The following PI4K2B variants were observed in gnomAD, a reference collection of about 807,000 sequenced individuals.
PI4K2B encodes the protein phosphatidylinositol 4-kinase type 2-beta.
PI4K2B carries 46 observed loss-of-function variants against 56.6 expected under a neutral mutation model. That is an observed-to-expected ratio of 0.81 (90% CI 0.64 to 1.04). The LOEUF (loss-of-function observed/expected upper bound fraction) is 1.04, where lower values mean the gene tolerates loss of function less well. PI4K2B is among the 50% of genes least tolerant of loss of function. The pLI, the probability that PI4K2B is intolerant of heterozygous loss-of-function variation, is 0.00. For missense variants in PI4K2B, 556 were observed against 607.7 expected (o/e 0.91, Z 0.89); for synonymous variants, 211 against 223.8 (o/e 0.94, Z 0.51).
At chr4:25,245,420 G>A (rs1715718734) in intron 1 of PI4K2B, among the ~76,000 whole-genome samples, 2 of 152,160 alleles carry the variant, frequency 1.3e-5, no homozygotes, top group Admixed American at 1.3e-4. Context: ...ATGCCTTGGA[G>A]AGTTCCGCTC....
At chr4:25,258,398 A>G (rs1333276428) in intron 4 of PI4K2B, 1 of 151,698 alleles carries the variant, frequency 6.6e-6, no homozygotes, top group Non-Finnish European at 1.5e-5. Context: ...AAATAGAGAC[A>G]GGGTTTTTAC....
intron 1 of PI4K2B, among the ~76,000 whole-genome samples, chr4:25,246,024 T>C (rs1043208214): frequency 2.0e-5 from 3 of 152,116 alleles, no homozygotes; most frequent in Non-Finnish European, 2.9e-5. Context: ...AGTTTGTTCC[T>C]TCTGATGTTC....
chr4:25,245,638 G>T (rs965125165), intron 1 of PI4K2B, among the ~76,000 whole-genome samples: 2 of 152,184 alleles, frequency 1.3e-5, no homozygotes, highest in African/African-American at 4.8e-5. Context: ...GGCCATGCTA[G>T]TCGCTTTTAA....
At chr4:25,247,000 C>T (rs375160474) in intron 1 of PI4K2B, among the ~76,000 whole-genome samples, 1 of 152,254 alleles carries the variant, frequency 6.6e-6, no homozygotes. Context: ...ACCTGTCCCT[C>T]CACACCTCCC....
chr4:25,259,866 C>A (rs1716396359), intron 5 of PI4K2B, among the ~76,000 whole-genome samples: 1 of 152,128 alleles, frequency 6.6e-6, no homozygotes, highest in African/African-American at 2.4e-5. Flanking sequence ...ATTGTGGGTC[C>A]CTGGACTGTC....
intron 7 of PI4K2B, chr4:25,267,956 T>C: frequency 1.6e-6 from 1 of 629,738 alleles, no homozygotes; most frequent in Non-Finnish European, 2.0e-6. Context: ...TGCGGTGATA[T>C]GCATCTGTAG....
chr4:25,262,204 G>A (rs1716504300), intron 6 of PI4K2B, among the ~76,000 whole-genome samples: 1 of 152,136 alleles, frequency 6.6e-6, no homozygotes, highest in Non-Finnish European at 1.5e-5. Context: ...AGCCGGACAT[G>A]GTGGCAGGCA....
intron 7 of PI4K2B, among the ~76,000 whole-genome samples, chr4:25,264,423 T>C (rs1398168434): frequency 6.6e-6 from 1 of 152,206 alleles, no homozygotes. Context: ...ATTGAGTATT[T>C]AGGGAGTTAA....
At chr4:25,260,288 T>G (rs1030518936) in intron 5 of PI4K2B, among the ~76,000 whole-genome samples, 6 of 152,036 alleles carry the variant, frequency 3.9e-5, no homozygotes, top group African/African-American at 1.4e-4. Flanking sequence ...CATGAATTAT[T>G]ACATACTAAG....
chr4:25,265,470 G>A (rs981465183), intron 7 of PI4K2B, among the ~76,000 whole-genome samples: 4 of 151,478 alleles, frequency 2.6e-5, no homozygotes, highest in Admixed American at 6.6e-5. Flanking sequence ...ATGCTATATC[G>A]CTTTCCTATA....
chr4:25,257,704 T>C (rs1204409214), intron 4 of PI4K2B, among the ~76,000 whole-genome samples: 1 of 152,192 alleles, frequency 6.6e-6, no homozygotes, highest in Admixed American at 6.5e-5. Context: ...AGAATTTCAG[T>C]AGGAATTCAT....
intron 9 of PI4K2B, among the ~76,000 whole-genome samples, chr4:25,274,774 T>A (rs1218843297): frequency 6.6e-6 from 1 of 152,182 alleles, no homozygotes; most frequent in East Asian, 1.9e-4. Context: ...AAATTAATAA[T>A]TTGTAGAGCA....
At chr4:25,248,857 G>A (rs1049625671) in intron 1 of PI4K2B, among the ~76,000 whole-genome samples, 4 of 151,374 alleles carry the variant, frequency 2.6e-5, no homozygotes, top group Non-Finnish European at 4.4e-5. Context: ...GGTGTTTCTC[G>A]GAGAGGGGGA....
chr4:25,244,927 T>C (rs770550552), intron 1 of PI4K2B, among the ~76,000 whole-genome samples: 6 of 152,162 alleles, frequency 3.9e-5, no homozygotes, highest in Admixed American at 1.3e-4. Context: ...CCTGTTAGTA[T>C]TGGGACTTTA....
At chr4:25,251,679 C>G (rs1361171136) in intron 1 of PI4K2B, among the ~76,000 whole-genome samples, 1 of 152,070 alleles carries the variant, frequency 6.6e-6, no homozygotes, top group Non-Finnish European at 1.5e-5. Flanking sequence ...CTGGTATTGA[C>G]AAAATCCGAG....
chr4:25,279,143 T>C lies in PI4K2B; in HGVS notation c.*1956T>C, dbSNP rs560087925. The C allele has an allele frequency of 5.9e-5, 9 of 152,600 alleles. No individual in the cohort carries two copies. Among genetic ancestry groups the C allele is most frequent in the African/African-American group, 2.2e-4 (9 of 41,544 alleles). 9.5% of individuals were successfully genotyped at this position (152,600 alleles called of 1,614,324 possible). The stretch of plus-strand genomic sequence containing the variant: ...AATATTTAGAATGTTTATGAACACA[T>C]TTACTATAAATGATGCCAAACTATC... On this transcript the variant is annotated 3_prime_UTR_variant, in exon 10 of 10. Transcript: ENST00000264864.
intron 7 of PI4K2B, among the ~76,000 whole-genome samples, chr4:25,265,198 C>CAAAAAAAAAAAAAA (rs71188933): frequency 0.019 from 1,261 of 65,332 alleles, 67 homozygotes; most frequent in Middle Eastern, 0.024. Flanking sequence ...TCTGTCTCAC[C>CAAAAAAAAAAAAAA]AAAAAAAAAA....
intron 9 of PI4K2B, among the ~76,000 whole-genome samples, chr4:25,274,839 A>G (rs1266684066): frequency 1.3e-5 from 2 of 152,126 alleles, no homozygotes; most frequent in Admixed American, 6.6e-5. Context: ...TCTGTCACCC[A>G]CGCTGGAATG....
chr4:25,267,924 T>C, intron 7 of PI4K2B: 1 of 947,442 alleles, frequency 1.1e-6, no homozygotes, highest in Non-Finnish European at 1.3e-6. Context: ...ACCTCAGCTG[T>C]GGTATTCAAT....
Sources: gnomAD v4.1 joint callset for allele counts (sites outside exome capture counted in the v4.1 genomes callset) on GRCh38, gnomAD v4.1.1 for gene constraint, MANE v1.5 for transcripts, NCBI Gene and HGNC (gene_info 2026-07-23, HGNC 2026-07-21) for gene names.